CEP70: variants seen among roughly 807,000 people sequenced by gnomAD.
CEP70 encodes the protein centrosomal protein 70, also known as centrosomal protein of 70 kDa.
Under a neutral mutation model 90.9 loss-of-function variants are expected in CEP70, and 70 were observed. That is an observed-to-expected ratio of 0.77 (90% CI 0.64 to 0.94). The LOEUF (loss-of-function observed/expected upper bound fraction) is 0.94. Ranked by LOEUF, CEP70 falls within the 40% of genes least tolerant of loss-of-function variation. The pLI is 0.00. For missense variants in CEP70, 648 were observed against 669.0 expected (o/e 0.97, Z 0.35); for synonymous variants, 220 against 228.3 (o/e 0.96, Z 0.33).
At position 138,537,346 on chromosome 3, in the gene CEP70, A is replaced by G. The variant is rs779136706; in HGVS notation, c.467T>C (p.Val156Ala). Residue 156 changes from valine (V) to alanine (A), a missense_variant and splice_region_variant, in exon 7 of 18, where the codon GTG becomes GCG. By Grantham distance (64) the Val-to-Ala change is moderately conservative. Coordinates refer to ENST00000264982, the MANE Select transcript of CEP70 (RefSeq NM_024491.4). Reference protein sequence around the residue: ...DLQKEQKTLQVKCQHYKKKRT... With the variant: ...DLQKEQKTLQAKCQHYKKKRT... ...TTTTTTCTTATAATGCTGGCACTTC[A>G]CCTATAAGATATTTTTTAAAAACAT... The G allele has an allele frequency of 1.3e-6, 2 of 1,573,886 alleles. No homozygotes were observed. Among genetic ancestry groups the G allele is most frequent in the Non-Finnish European group, 1.7e-6 (2 of 1,162,378 alleles).
intron 6 of CEP70, among the ~76,000 whole-genome samples, chr3:138,544,190 T>C (rs1696814449): frequency 6.6e-6 from 1 of 151,440 alleles, no homozygotes. Flanking sequence ...GTAAATCTCA[T>C]GGTAACTACA....
intron 11 of CEP70, among the ~76,000 whole-genome samples, chr3:138,516,248 G>GT (rs1367368294): frequency 6.6e-6 from 1 of 152,180 alleles, no homozygotes; most frequent in Non-Finnish European, 1.5e-5. Context: ...CCAAACAGAT[G>GT]TAAGAAGAAC....
intron 17 of CEP70, chr3:138,497,404 T>G: frequency 8.6e-7 from 1 of 1,156,160 alleles, no homozygotes. Flanking sequence ...TTTAAAACTT[T>G]AAAAATCATT....
intron 2 of CEP70, 89 bp from the exon 3 acceptor site, chr3:138,573,021 A>G: frequency 1.2e-6 from 1 of 868,584 alleles, no homozygotes; most frequent in Non-Finnish European, 1.9e-6. Context: ...AAAGGAGTTA[A>G]AGAAAAGTAT....
intron 17 of CEP70, chr3:138,496,706 TAAAA>T: frequency 1.0e-6 from 1 of 985,354 alleles, no homozygotes; most frequent in Non-Finnish European, 1.2e-6. Context: ...ACCTATTAAT[TAAAA>T]AAACTGTCAT....
chr3:138,579,288 A>G (rs2041722665), intron 2 of CEP70, among the ~76,000 whole-genome samples: 1 of 152,114 alleles, frequency 6.6e-6, no homozygotes, highest in Non-Finnish European at 1.5e-5. Context: ...TATCTAGGCC[A>G]CAAGGACTGC....
At chr3:138,582,532 G>T (rs973142542) in intron 2 of CEP70, among the ~76,000 whole-genome samples, 8 of 151,498 alleles carry the variant, frequency 5.3e-5, no homozygotes, top group Non-Finnish European at 1.0e-4. Flanking sequence ...CCAGCACTTT[G>T]GGAGGCTGAG....
intron 6 of CEP70, among the ~76,000 whole-genome samples, chr3:138,567,739 A>G (rs1246060426): frequency 6.6e-6 from 1 of 152,158 alleles, no homozygotes; most frequent in East Asian, 1.9e-4. Flanking sequence ...TGTTGTTAAG[A>G]TGCTATGGAA....
chr3:138,582,041 CCAGA>C (rs755186481), intron 2 of CEP70, among the ~76,000 whole-genome samples: 109 of 152,212 alleles, frequency 7.2e-4, no homozygotes, highest in Non-Finnish European at 1.3e-3. Flanking sequence ...AAGTTTGTTC[CCAGA>C]CAAACAAAAG....
intron 11 of CEP70, among the ~76,000 whole-genome samples, chr3:138,525,218 AAC>A (rs1394807864): frequency 6.6e-6 from 1 of 151,920 alleles, no homozygotes; most frequent in Admixed American, 6.6e-5. Flanking sequence ...GAACAATGAG[AAC>A]ACATGGACAC....
At chr3:138,554,940 C>T (rs1315889926) in intron 6 of CEP70, among the ~76,000 whole-genome samples, 3 of 152,090 alleles carry the variant, frequency 2.0e-5, no homozygotes, top group Admixed American at 6.6e-5. Flanking sequence ...AAACTTGATC[C>T]TCATCTCTGA....
intron 11 of CEP70, among the ~76,000 whole-genome samples, chr3:138,519,440 G>A (rs1443047134): frequency 1.3e-5 from 2 of 152,262 alleles, no homozygotes; most frequent in African/African-American, 2.4e-5. Context: ...GAGAAAGGTC[G>A]GGTTACCTAC....
chr3:138,530,572 T>A, intron 8 of CEP70: 3 of 985,278 alleles, frequency 3.0e-6, no homozygotes, highest in Non-Finnish European at 3.6e-6. Context: ...GCAGAGAAGC[T>A]TTTGCCACTG....
rs562383350 is a variant in CEP70, at chr3:138,562,002, G to A, written c.465+8316C>T. On this transcript the variant is annotated intron_variant, in intron 6 of 17. Transcript: ENST00000264982. ...TGTGCCACTGCACTCTGGCCCGGGC[G>A]ACAATGCAAGACGCCGTCTCAAAAA... is the stretch of plus-strand genomic sequence containing the variant. 3.0e-3 allele frequency among the ~76,000 whole-genome samples: 416 copies of A among 140,056 alleles called. 4 individuals carry two copies. The highest frequency in any genetic ancestry group is 0.011 in the African/African-American group (398 of 37,206). 91.9% of individuals were successfully genotyped at this position (140,056 alleles called of 152,430 possible).
At chr3:138,516,270 A>G (rs1320032480) in intron 11 of CEP70, among the ~76,000 whole-genome samples, 1 of 152,238 alleles carries the variant, frequency 6.6e-6, no homozygotes, top group Non-Finnish European at 1.5e-5. Context: ...GTAAGTACAC[A>G]AAATATCAAG....
intron 6 of CEP70, among the ~76,000 whole-genome samples, chr3:138,549,656 T>C (rs958206827): frequency 2.0e-5 from 3 of 152,092 alleles, no homozygotes; most frequent in African/African-American, 7.2e-5. Context: ...AAGAGCATAT[T>C]CTCTTCGGAG....
chr3:138,575,045 C>T (rs2041418677), intron 2 of CEP70, among the ~76,000 whole-genome samples: 1 of 152,184 alleles, frequency 6.6e-6, no homozygotes, highest in East Asian at 1.9e-4. Flanking sequence ...GCCTCTTCTC[C>T]TCCAAAGGAT....
At chr3:138,562,305 C>T (rs1041647885) in intron 6 of CEP70, among the ~76,000 whole-genome samples, 6 of 152,126 alleles carry the variant, frequency 3.9e-5, no homozygotes, top group African/African-American at 1.4e-4. Context: ...AGTAGAACTT[C>T]CCTAACCTAG....
chr3:138,545,656 G>T (rs912662183), intron 6 of CEP70, among the ~76,000 whole-genome samples: 2 of 152,170 alleles, frequency 1.3e-5, no homozygotes, highest in African/African-American at 4.8e-5. Flanking sequence ...GTACAAGTAG[G>T]AGAGATACCG....
Sources: gnomAD v4.1 joint callset for allele counts (sites outside exome capture counted in the v4.1 genomes callset) on GRCh38, gnomAD v4.1.1 for gene constraint, MANE v1.5 for transcripts, NCBI Gene and HGNC (gene_info 2026-07-23, HGNC 2026-07-21) for gene names.